Variants in GNG7 observed in about 807,000 individuals in gnomAD.
GNG7 encodes guanine nucleotide-binding protein G(I)/G(S)/G(O) subunit gamma-7.
In GNG7, 1 loss-of-function variant was observed where a neutral mutation model predicts 4.0. The ratio of observed to expected loss-of-function variants is 0.25; its 90% CI spans 0.09 to 1.18. GNG7 has a LOEUF of 1.18. GNG7 is among the 50% of genes most tolerant of loss of function. GNG7 has a pLI of 0.50. For missense variants in GNG7, 86 were observed against 91.9 expected, an observed-to-expected ratio of 0.94 and a Z score of 0.26; for synonymous variants, 34 against 36.9, an observed-to-expected ratio of 0.92 and a Z score of 0.29.
chr19:2,552,262 C>T (rs1011389578), intron 3 of GNG7, among the ~76,000 whole-genome samples: 2 of 152,060 alleles, frequency 1.3e-5, no homozygotes, highest in African/African-American at 4.8e-5. Flanking sequence ...AAGATCATGC[C>T]ACTGCACTCC....
intron 2 of GNG7, among the ~76,000 whole-genome samples, chr19:2,566,948 CAAA>C (rs1190534021): frequency 2.0e-5 from 3 of 151,544 alleles, no homozygotes; most frequent in Non-Finnish European, 4.4e-5. Context: ...ACTAAAAATA[CAAA>C]AAAATTAGCC....
rs749044963 is a variant in GNG7, at chr19:2,514,974, GAGAGAGAGAGAA to G, written c.*36_*47del. On this transcript the variant is annotated 3_prime_UTR_variant, in exon 5 of 5. Transcript: ENST00000382159. ...CCTGAGACAGAGACAGAGACAGAGAGAGAGAGAGAGAAAGAGAGAGAGAGAGAGAGAACATAT... is the reference window on the plus strand; with the variant it reads ...CCTGAGACAGAGACAGAGACAGAGAGAGAGAGAGAGAGAGAGAGAACATAT... 8 of 1,445,304 alleles carry G rather than the reference GAGAGAGAGAGAA, an allele frequency of 5.5e-6. No individual in the cohort carries two copies. The African/African-American group carries it at 9.8e-5, about 18-fold the overall frequency. 89.5% of individuals were successfully genotyped at this position (1,445,304 alleles called of 1,614,324 possible). A position where few individuals can be genotyped will look rare whatever the true frequency, so the allele number is the denominator to read the frequency against.
rs1156911406 is a variant in GNG7, at chr19:2,633,491, A to ACGCG, written c.-78+12732_-78+12733insCGCG. Among the ~76,000 whole-genome samples the ACGCG allele has an allele frequency of 3.1e-3, 260 of 82,900 alleles. 1 individual carries two copies. The highest frequency in any genetic ancestry group is 0.017 in the African/African-American group (232 of 13,902). The allele number at this position is 82,900 out of a possible 152,430, so 54.4% of individuals were successfully genotyped here. On this transcript the variant is annotated intron_variant, in intron 2 of 4. Transcript: ENST00000382159. This position sits in a 1 kb window ranked among gnomAD's most constrained non-coding sequence, Gnocchi z 5.9. ...AACAGGCGCGCGCGCGCGCGCGCAC[A>ACGCG]CACACACACACACACACACACACAC...
At chr19:2,567,703 C>T (rs946314532) in intron 2 of GNG7, among the ~76,000 whole-genome samples, 3 of 152,074 alleles carry the variant, frequency 2.0e-5, no homozygotes, top group Non-Finnish European at 2.9e-5. Flanking sequence ...GTGCTGGAGC[C>T]GGAGACTGGG....
chr19:2,589,010 C>T (rs1980759776), intron 2 of GNG7, among the ~76,000 whole-genome samples: 1 of 152,064 alleles, frequency 6.6e-6, no homozygotes, highest in Non-Finnish European at 1.5e-5. Context: ...CTCACCACAA[C>T]CTCCCCCTTC....
intron 3 of GNG7, among the ~76,000 whole-genome samples, chr19:2,553,678 T>C (rs1179812192): frequency 7.1e-6 from 1 of 140,838 alleles, no homozygotes; most frequent in South Asian, 2.1e-4. Flanking sequence ...ACATGTAATA[T>C]GTTATATTAC....
At chr19:2,525,971 ATTTTTT>A (rs35639922) in intron 3 of GNG7, among the ~76,000 whole-genome samples, 5 of 75,684 alleles carry the variant, frequency 6.6e-5, no homozygotes, top group Non-Finnish European at 9.2e-5. Flanking sequence ...CTCCACGCCA[ATTTTTT>A]TTTTTTTTTT....
intron 2 of GNG7, among the ~76,000 whole-genome samples, chr19:2,599,189 C>T (rs551812247): frequency 1.3e-5 from 2 of 152,296 alleles, no homozygotes; most frequent in Admixed American, 1.3e-4. Context: ...TGATCAGAGC[C>T]CCAGCCTGCC....
intron 2 of GNG7, among the ~76,000 whole-genome samples, chr19:2,580,085 C>T (rs1040475189): frequency 6.6e-6 from 1 of 152,252 alleles, no homozygotes; most frequent in South Asian, 2.1e-4. Flanking sequence ...TCAATAAACA[C>T]TGGAGCAACT....
intron 2 of GNG7, among the ~76,000 whole-genome samples, chr19:2,629,660 TG>T (rs1982107825): frequency 1.3e-5 from 2 of 152,050 alleles, no homozygotes; most frequent in African/African-American, 4.8e-5. Flanking sequence ...GAACGCAGTG[TG>T]GGGGCACACG....
chr19:2,527,142 C>A (rs1307667417), intron 3 of GNG7, among the ~76,000 whole-genome samples: 1 of 152,204 alleles, frequency 6.6e-6, no homozygotes, highest in African/African-American at 2.4e-5. Context: ...CTGCTCCCGG[C>A]CCTATCTTAA....
chr19:2,686,444 C>T (rs1440794669), intron 1 of GNG7, among the ~76,000 whole-genome samples: 1 of 152,162 alleles, frequency 6.6e-6, no homozygotes, highest in Non-Finnish European at 1.5e-5. Context: ...AGGCGTGAGC[C>T]ACCGTACCCG....
intron 1 of GNG7, among the ~76,000 whole-genome samples, chr19:2,690,152 C>T (rs528261474): frequency 1.6e-4 from 24 of 151,976 alleles, no homozygotes; most frequent in African/African-American, 5.3e-4. Flanking sequence ...GAGGCCGAAG[C>T]GAAAGGATCA....
At chr19:2,687,949 A>G (rs190162204) in intron 1 of GNG7, among the ~76,000 whole-genome samples, 27 of 137,016 alleles carry the variant, frequency 2.0e-4, no homozygotes, top group African/African-American at 7.5e-4. Flanking sequence ...AACAAGAACA[A>G]AACTCTGCCT....
intron 2 of GNG7, among the ~76,000 whole-genome samples, chr19:2,639,873 AGGAAGGAGGGAGGGAGAGAG>A (rs1260020519): frequency 1.8e-3 from 44 of 24,070 alleles, no homozygotes; most frequent in African/African-American, 6.7e-3. Context: ...GGAGAAAGGA[AGGAAGGAGGGAGGGAGAGAG>A]GGAAGGAGGG....
chr19:2,602,525 C>G (rs1040507903), intron 2 of GNG7, among the ~76,000 whole-genome samples: 2 of 152,234 alleles, frequency 1.3e-5, no homozygotes, highest in Non-Finnish European at 2.9e-5. Flanking sequence ...CTGCCAGCTC[C>G]TCCCGAGCCT....
At chr19:2,519,761 T>C (rs1568229637) in intron 4 of GNG7, among the ~76,000 whole-genome samples, 1 of 152,102 alleles carries the variant, frequency 6.6e-6, no homozygotes, top group African/African-American at 2.4e-5. Flanking sequence ...CAGGTGGCCT[T>C]GGGGTTCCAG....
At chr19:2,601,085 G>C (rs1981184526) in intron 2 of GNG7, among the ~76,000 whole-genome samples, 1 of 151,872 alleles carries the variant, frequency 6.6e-6, no homozygotes, top group South Asian at 2.1e-4. Context: ...CAGTGAGCTA[G>C]GATCACGCCA....
intron 1 of GNG7, among the ~76,000 whole-genome samples, chr19:2,661,304 G>C (rs868269788): frequency 2.3e-5 from 2 of 87,010 alleles, no homozygotes; most frequent in African/African-American, 4.8e-5. Context: ...GAAAGAAAGA[G>C]AAAGAAAGAA....
Sources: gnomAD v4.1 joint callset for allele counts (sites outside exome capture counted in the v4.1 genomes callset) on GRCh38, gnomAD v4.1.1 for gene constraint, Gnocchi (gnomAD v3.1) non-coding constraint, MANE v1.5 for transcripts, NCBI Gene and HGNC (gene_info 2026-07-23, HGNC 2026-07-21) for gene names.